Variants in GCKR observed in about 807,000 individuals in gnomAD.
GCKR encodes glucokinase regulatory protein.
A neutral mutation model predicts 82.9 loss-of-function variants in GCKR; 73 were observed. That is an observed-to-expected ratio of 0.88 (90% confidence interval 0.73 to 1.07). The LOEUF (loss-of-function observed/expected upper bound fraction) is 1.07. GCKR is among the 50% of genes least tolerant of loss of function. The pLI, the probability that GCKR is intolerant of heterozygous loss-of-function variation, is 0.00. For synonymous variants in GCKR, 294 were observed against 291.8 expected, an observed-to-expected ratio of 1.01 and a Z score of -0.08; for missense variants, 784 against 782.1, an observed-to-expected ratio of 1.00 and a Z score of -0.03.
At chr2:27,515,860 C>A (rs1262391607) in intron 16 of GCKR, among the ~76,000 whole-genome samples, 1 of 149,452 alleles carries the variant, frequency 6.7e-6, no homozygotes, top group Non-Finnish European at 1.5e-5. Flanking sequence ...AACTCCTGGG[C>A]TGAAGCAATC....
At chr2:27,515,769 T>A (rs867507892) in intron 16 of GCKR, among the ~76,000 whole-genome samples, 4,943 of 116,930 alleles carry the variant, frequency 0.042, 54 homozygotes, top group Non-Finnish European at 0.059. Context: ...ATATATATTT[T>A]TTTTTTTTTT....
At chr2:27,522,181 C>T (rs1392802317) in intron 17 of GCKR, among the ~76,000 whole-genome samples, 2 of 152,168 alleles carry the variant, frequency 1.3e-5, no homozygotes, top group Non-Finnish European at 2.9e-5. Flanking sequence ...TACCAACCTA[C>T]AGGATTGGTG....
intron 9 of GCKR, among the ~76,000 whole-genome samples, chr2:27,504,194 C>T (rs1669651727): frequency 6.6e-6 from 1 of 152,204 alleles, no homozygotes; most frequent in African/African-American, 2.4e-5. Flanking sequence ...GTGGGCACAC[C>T]ATCTGCGACA....
At chr2:27,521,143 A>G (rs1670142322) in intron 17 of GCKR, among the ~76,000 whole-genome samples, 1 of 152,206 alleles carries the variant, frequency 6.6e-6, no homozygotes, top group Non-Finnish European at 1.5e-5. Context: ...AAATCCGAAT[A>G]TAGAAAAATA....
chr2:27,503,425 A>G, intron 8 of GCKR, 89 bp from the exon 9 acceptor site: 4 of 766,346 alleles, frequency 5.2e-6, no homozygotes, highest in South Asian at 2.9e-5. Context: ...CTCAATCCCA[A>G]TGCAGTCTTT....
intron 16 of GCKR, among the ~76,000 whole-genome samples, chr2:27,513,276 A>C (rs1669932023): frequency 6.6e-6 from 1 of 152,132 alleles, no homozygotes; most frequent in Non-Finnish European, 1.5e-5. Flanking sequence ...CACATCTGTA[A>C]TCCCAGCACT....
In GCKR at chr2:27,497,639, C is replaced by T; in HGVS notation, c.285+9C>T. The T allele has an allele frequency of 6.4e-7, 1 of 1,573,898 alleles. No individual in the cohort carries two copies. The highest frequency in any genetic ancestry group is 8.7e-7 in the Non-Finnish European group (1 of 1,143,448). ...TTCAGGAAGTGCTGAAGGTACTAAC[C>T]TTCCTTCTGTTCCCTGCCTAAACTT... On this transcript the variant is annotated intron_variant, in intron 3 of 18. Coordinates refer to ENST00000264717, the MANE Select transcript of GCKR (RefSeq NM_001486.4).
At chr2:27,500,777 C>T (rs1398540208) in intron 7 of GCKR, among the ~76,000 whole-genome samples, 1 of 152,184 alleles carries the variant, frequency 6.6e-6, no homozygotes, top group African/African-American at 2.4e-5. Flanking sequence ...CTCAATTCTG[C>T]AGCTCTCTGG....
At chr2:27,502,473 C>G (rs1478454218) in intron 8 of GCKR, among the ~76,000 whole-genome samples, 2 of 152,140 alleles carry the variant, frequency 1.3e-5, no homozygotes, top group Non-Finnish European at 2.9e-5. Context: ...GAATCTGAAT[C>G]TTAGGGTGGA....
chr2:27,514,470 G>T (rs8179226), intron 16 of GCKR, among the ~76,000 whole-genome samples: 2 of 152,112 alleles, frequency 1.3e-5, no homozygotes, highest in Admixed American at 6.6e-5. Flanking sequence ...AGAAAAGTGT[G>T]TGTGTACATA....
chr2:27,507,138 AC>A, intron 12 of GCKR, 96 bp from the exon 13 acceptor site: 1 of 906,262 alleles, frequency 1.1e-6, no homozygotes, highest in Non-Finnish European at 1.9e-6. Context: ...CCCACTTGCC[AC>A]TTTTCCTCCC....
chr2:27,503,857 G>T (rs1028496291), intron 9 of GCKR, among the ~76,000 whole-genome samples: 2 of 152,168 alleles, frequency 1.3e-5, no homozygotes, highest in Non-Finnish European at 2.9e-5. Flanking sequence ...ACACTTCAGC[G>T]GTCTGGGACA....
intron 16 of GCKR, among the ~76,000 whole-genome samples, chr2:27,511,908 A>G (rs554639395): frequency 6.6e-6 from 1 of 152,154 alleles, no homozygotes; most frequent in East Asian, 1.9e-4. Flanking sequence ...ACATTTTGCC[A>G]TATTTGCTTC....
intron 9 of GCKR, among the ~76,000 whole-genome samples, chr2:27,505,419 A>G (rs35008972): frequency 6.6e-6 from 1 of 150,570 alleles, no homozygotes; most frequent in African/African-American, 2.4e-5. Context: ...AAAAAAAAAA[A>G]GAAAAAAAAA....
At chr2:27,511,604 C>T (rs1443326724) in intron 16 of GCKR, among the ~76,000 whole-genome samples, 1 of 151,694 alleles carries the variant, frequency 6.6e-6, no homozygotes, top group African/African-American at 2.4e-5. Flanking sequence ...GAGGCTGAGG[C>T]AGGAGAAGCC....
At chr2:27,505,364 C>A (rs1019348268) in intron 9 of GCKR, among the ~76,000 whole-genome samples, 1 of 144,366 alleles carries the variant, frequency 6.9e-6, no homozygotes, top group African/African-American at 2.7e-5. Context: ...CCACTGCACT[C>A]CAGCCTGGGT....
intron 16 of GCKR, among the ~76,000 whole-genome samples, chr2:27,513,063 T>G (rs1312000031): frequency 6.6e-6 from 1 of 152,210 alleles, no homozygotes; most frequent in Non-Finnish European, 1.5e-5. Context: ...TTAGCTAGGA[T>G]GGTGTCTGTT....
chr2:27,511,636 C>T (rs936985603), intron 16 of GCKR, among the ~76,000 whole-genome samples: 5 of 151,416 alleles, frequency 3.3e-5, no homozygotes, highest in Admixed American at 6.6e-5. Context: ...AAGCTGAGAA[C>T]GCACCATTGC....
intron 10 of GCKR, 30 bp from the exon 11 acceptor site, chr2:27,506,451 C>G (rs747935119): frequency 4.7e-6 from 7 of 1,482,696 alleles, no homozygotes; most frequent in Non-Finnish European, 6.6e-6. Flanking sequence ...GAATTGGGCC[C>G]TTCTTGAGAG....
Sources: gnomAD v4.1 joint callset for allele counts (sites outside exome capture counted in the v4.1 genomes callset) on GRCh38, gnomAD v4.1.1 for gene constraint, MANE v1.5 for transcripts, NCBI Gene and HGNC (gene_info 2026-07-23, HGNC 2026-07-21) for gene names.